Variants in PPP4R3B observed in about 807,000 individuals in gnomAD.
PPP4R3B encodes protein phosphatase 4 regulatory subunit 3B.
In PPP4R3B, 52 loss-of-function variants were observed where a neutral mutation model predicts 95.4. The ratio of observed to expected loss-of-function variants is 0.54; its 90% CI spans 0.44 to 0.69. The LOEUF (loss-of-function observed/expected upper bound fraction) is 0.69, where lower values mean the gene tolerates loss of function less well. PPP4R3B is among the 30% of genes least tolerant of loss of function. PPP4R3B has a pLI of 0.00. For synonymous variants in PPP4R3B, 407 were observed against 343.9 expected (o/e 1.18, Z -2.03); for missense variants, 1,003 against 1,005.9 (o/e 1.00, Z 0.04).
chr2:55,581,599 T>C lies in PPP4R3B; in HGVS notation c.1333A>G (p.Ile445Val), dbSNP rs1323196966. 2.5e-6 allele frequency: 4 copies of C among 1,613,290 alleles called. No individual in the cohort carries two copies. The African/African-American group carries it at 5.3e-5, about 22-fold the overall frequency. Residue 445 changes from isoleucine to valine, a missense_variant, in exon 8 of 17, where the codon ATT becomes GTT. Around this residue, in one of 3 missense-constraint regions of PPP4R3B, gnomAD observed 695 missense variants for 686.2 expected, o/e 1.01. Coordinates refer to ENST00000616407, the MANE Select transcript of PPP4R3B (RefSeq NM_001122964.3). ...VQLMGLLRTL[I>V]DPENMLATTN... ...GTAGCCAGCATGTTCTCTGGATCAA[T>C]TAGAGTACGAAGAAGTCCCATTAAC...
At chr2:55,570,005 A>C (rs1687804525) in intron 12 of PPP4R3B, among the ~76,000 whole-genome samples, 1 of 152,164 alleles carries the variant, frequency 6.6e-6, no homozygotes, top group Admixed American at 6.5e-5. Flanking sequence ...GCCTTGAAAA[A>C]AACATTTGTG....
chr2:55,581,918 A>G (rs1975487), intron 7 of PPP4R3B, among the ~76,000 whole-genome samples: 67,265 of 150,726 alleles, frequency 0.45, 15,835 homozygotes, highest in Non-Finnish European at 0.52. Context: ...AAAAAAGAAG[A>G]AGGAGGAAAA....
intron 4 of PPP4R3B, among the ~76,000 whole-genome samples, chr2:55,591,054 G>A (rs1690943631): frequency 6.6e-6 from 1 of 151,930 alleles, no homozygotes; most frequent in Non-Finnish European, 1.5e-5. Flanking sequence ...GACTCCTTTT[G>A]GACCTTATGC....
intron 6 of PPP4R3B, among the ~76,000 whole-genome samples, chr2:55,586,106 T>C (rs1416949383): frequency 6.6e-6 from 1 of 152,222 alleles, no homozygotes; most frequent in Admixed American, 6.5e-5. Flanking sequence ...ATAAAAGTTA[T>C]ATTGATTTCA....
At chr2:55,616,840 T>A (rs1559070697) in intron 1 of PPP4R3B, among the ~76,000 whole-genome samples, 1 of 151,976 alleles carries the variant, frequency 6.6e-6, no homozygotes, top group Non-Finnish European at 1.5e-5. Flanking sequence ...TAGGGCGACA[T>A]CAGTACCTAG....
intron 2 of PPP4R3B, among the ~76,000 whole-genome samples, chr2:55,607,958 A>G (rs1404864142): frequency 6.6e-6 from 1 of 152,192 alleles, no homozygotes; most frequent in African/African-American, 2.4e-5. Context: ...CAGGTAAACA[A>G]CGAAATCTGA....
At chr2:55,589,947 A>G (rs1258857009) in intron 4 of PPP4R3B, among the ~76,000 whole-genome samples, 1 of 134,808 alleles carries the variant, frequency 7.4e-6, no homozygotes, top group Non-Finnish European at 1.7e-5. Flanking sequence ...TATATAAAAA[A>G]TATATATAAT....
chr2:55,564,631 T>C, intron 14 of PPP4R3B, 134 bp from the exon 15 acceptor site: 1 of 826,678 alleles, frequency 1.2e-6, no homozygotes, highest in Non-Finnish European at 1.8e-6. Flanking sequence ...AAATAATCTC[T>C]GTAATGATAG....
intron 13 of PPP4R3B, among the ~76,000 whole-genome samples, chr2:55,566,226 T>G (rs763137601): frequency 6.6e-6 from 1 of 152,182 alleles, no homozygotes; most frequent in Non-Finnish European, 1.5e-5. Flanking sequence ...TACTTCTCAA[T>G]TGAAAAAAAA....
chr2:55,565,422 A>C (rs1197492475), intron 13 of PPP4R3B, among the ~76,000 whole-genome samples: 4 of 152,136 alleles, frequency 2.6e-5, no homozygotes, highest in African/African-American at 9.6e-5. Flanking sequence ...CCCATTTTAG[A>C]GAAAAACCAA....
chr2:55,608,091 C>T (rs1286957858), intron 2 of PPP4R3B, among the ~76,000 whole-genome samples: 1 of 152,186 alleles, frequency 6.6e-6, no homozygotes, highest in East Asian at 1.9e-4. Flanking sequence ...CTGCAACCTC[C>T]ACCTCTGGGT....
At chr2:55,581,242 ACT>A (rs1322337368) in intron 8 of PPP4R3B, among the ~76,000 whole-genome samples, 1 of 152,028 alleles carries the variant, frequency 6.6e-6, no homozygotes, top group Non-Finnish European at 1.5e-5. Flanking sequence ...ACAGAGCAAG[ACT>A]CTGTCTCAAA....
At position 55,585,041 on chromosome 2, in the gene PPP4R3B, T is replaced by C. The variant is rs1200705681; in HGVS notation, c.1233+10A>G. The C allele has an allele frequency of 6.3e-7, 1 of 1,590,906 alleles. No individual in the cohort carries two copies. The highest frequency in any genetic ancestry group is 2.2e-5 in the East Asian group (1 of 44,604). ...GGTAATTCACATAGAACCACAGCAT[T>C]ATTACTTACGTCATCACTCTGCTGA... On this transcript the variant is annotated intron_variant, in intron 7 of 16. Transcript: ENST00000616407.
intron 16 of PPP4R3B, among the ~76,000 whole-genome samples, chr2:55,556,632 T>TAA (rs570817892): frequency 4.9e-5 from 7 of 141,608 alleles, no homozygotes; most frequent in African/African-American, 1.0e-4. Flanking sequence ...TACTTTGATT[T>TAA]AAAAAAAAAA....
chr2:55,547,571 A>C lies in PPP4R3B; in HGVS notation c.*2340T>G, dbSNP rs1684856634. The C allele has an allele frequency of 6.6e-6, 1 of 152,244 alleles. No individual in the cohort carries two copies. The highest frequency in any genetic ancestry group is 1.5e-5 in the Non-Finnish European group (1 of 68,034). The allele number at this position is 152,244 out of a possible 1,614,324, so 9.4% of individuals were successfully genotyped here. ...CCATGAAAACCGTAACCTGTACTTCAAGAAAACATTCACATTTCTGCTACA... is the reference window on the plus strand; with the variant it reads ...CCATGAAAACCGTAACCTGTACTTCCAGAAAACATTCACATTTCTGCTACA... On this transcript the variant is annotated 3_prime_UTR_variant, in exon 17 of 17. Coordinates refer to ENST00000616407, the MANE Select transcript of PPP4R3B (RefSeq NM_001122964.3).
intron 2 of PPP4R3B, among the ~76,000 whole-genome samples, chr2:55,611,219 A>C (rs960128968): frequency 6.6e-6 from 1 of 152,092 alleles, no homozygotes; most frequent in Admixed American, 6.6e-5. Flanking sequence ...GGCTACGCAC[A>C]GGCACAATCA....
intron 16 of PPP4R3B, among the ~76,000 whole-genome samples, chr2:55,554,710 T>C (rs543873339): frequency 2.5e-4 from 38 of 152,256 alleles, no homozygotes; most frequent in Non-Finnish European, 4.9e-4. Context: ...TTTCAATTTA[T>C]GGTAGTATCC....
At chr2:55,578,912 T>C (rs752795198) in intron 9 of PPP4R3B, among the ~76,000 whole-genome samples, 3 of 152,124 alleles carry the variant, frequency 2.0e-5, no homozygotes, top group Non-Finnish European at 2.9e-5. Context: ...CCTTTGCTTA[T>C]GTTAGTATGT....
At chr2:55,579,178 A>C (rs1302221203) in intron 9 of PPP4R3B, among the ~76,000 whole-genome samples, 1 of 152,134 alleles carries the variant, frequency 6.6e-6, no homozygotes, top group African/African-American at 2.4e-5. Flanking sequence ...TGCCGATTAC[A>C]TAAGAAAGAG....
Sources: gnomAD v4.1 joint callset for allele counts (sites outside exome capture counted in the v4.1 genomes callset) on GRCh38, gnomAD v4.1.1 for gene constraint, gnomAD v4.1.1 regional missense constraint, MANE v1.5 for transcripts, NCBI Gene and HGNC (gene_info 2026-07-23, HGNC 2026-07-21) for gene names.